POU3F3: variants seen among roughly 807,000 people sequenced by gnomAD.
POU3F3 encodes POU class 3 homeobox 3.
A neutral mutation model predicts 8.6 loss-of-function variants in POU3F3; 1 was observed. The ratio of observed to expected loss-of-function variants is 0.12; its 90% CI spans 0.04 to 0.55. The LOEUF is 0.55. POU3F3 is among the 20% of genes least tolerant of loss of function. The probability of loss-of-function intolerance (pLI) is 0.91; values close to 1 mark genes in which losing one functional copy is unlikely to be tolerated. For synonymous variants in POU3F3, 418 were observed against 327.4 expected (o/e 1.28, Z -2.99); for missense variants, 577 against 690.7 (o/e 0.84, Z 1.84).
the POU3F3 span, among the ~76,000 whole-genome samples, chr2:104,909,468 C>T: frequency 6.6e-6 from 1 of 152,248 alleles, no homozygotes; most frequent in East Asian, 1.9e-4. Context: ...AGCTGAAGCT[C>T]TAACTTGCCT....
Position 104,856,896 on chromosome 2 carries a change from G to A in POU3F3, c.1386G>A (p.Lys462=). The change falls in exon 1 of 1, where the codon AAG becomes AAA. Residue 462 remains lysine, a synonymous_variant. Transcript: ENST00000361360. ...TCTGCAATCGGCGCCAAAAGGAGAA[G>A]CGCATGACGCCGCCCGGGATCCAAC... ...VWFCNRRQKE[K]RMTPPGIQQQ... 1 of 1,613,964 alleles carries A rather than the reference G, an allele frequency of 6.2e-7. No individual in the cohort carries two copies. Among genetic ancestry groups the A allele is most frequent in the Non-Finnish European group, 8.5e-7 (1 of 1,179,970 alleles).
At chr2:104,885,057 G>A in the POU3F3 span, among the ~76,000 whole-genome samples, 7 of 152,154 alleles carry the variant, frequency 4.6e-5, no homozygotes, top group African/African-American at 1.4e-4. Flanking sequence ...ACAAAAAAAT[G>A]TGATCATCCA....
At chr2:104,917,318 A>T in the POU3F3 span, among the ~76,000 whole-genome samples, 1 of 152,246 alleles carries the variant, frequency 6.6e-6, no homozygotes, top group Admixed American at 6.5e-5. Context: ...CCTGACTAAT[A>T]CAACTGCCCT....
rs1249141236 is a variant in POU3F3 at position 104,857,132 on chromosome 2, G to C, written c.*119G>C. ...CCGCCGCCGCTGCCGCCGCCGCGCC[G>C]ACCCTGCACCTGGGCCGCTCCGGGC... is the stretch of plus-strand genomic sequence containing the variant. On this transcript the variant is annotated 3_prime_UTR_variant, in exon 1 of 1. Transcript: ENST00000361360. 1.0e-6 allele frequency: 1 copy of C among 957,666 alleles called. No individual in the cohort carries two copies. Among genetic ancestry groups the C allele is most frequent in the Admixed American group, 6.3e-5 (1 of 15,930 alleles). The allele number at this position is 957,666 out of a possible 1,614,324, so 59.3% of individuals were successfully genotyped here.
chr2:104,855,617 G>A lies in POU3F3; in HGVS notation c.107G>A (p.Gly36Asp). Reference protein sequence around the residue: ...AAGAGGGGGGGGGGGGGGAGG... With the variant: ...AAGAGGGGGGDGGGGGGGAGG... ...GGGGCTGGCGGCGGCGGGGGTGGCGGCGGCGGCGGCGGCGGGGGCGGCGCA... is the reference window on the plus strand; with the variant it reads ...GGGGCTGGCGGCGGCGGGGGTGGCGACGGCGGCGGCGGCGGGGGCGGCGCA... The change falls in exon 1 of 1, where the codon GGC (glycine) becomes GAC (aspartate). Residue 36 changes from glycine to aspartate, a missense_variant. Gly to Asp is a moderately conservative substitution (Grantham distance 94). Around this residue, in one of 7 missense-constraint regions of POU3F3, gnomAD observed 484 missense variants for 422.6 expected, o/e 1.15. Transcript: ENST00000361360. 2.1e-6 allele frequency: 2 copies of A among 969,664 alleles called. No homozygotes were observed. Among genetic ancestry groups the A allele is most frequent in the Non-Finnish European group, 2.4e-6 (2 of 820,642 alleles). The allele number at this position is 969,664 out of a possible 1,614,324, so 60.1% of individuals were successfully genotyped here. A position where few individuals can be genotyped will look rare whatever the true frequency, so the allele number is the denominator to read the frequency against.
chr2:104,886,967 G>T, the POU3F3 span, among the ~76,000 whole-genome samples: 1 of 151,814 alleles, frequency 6.6e-6, no homozygotes, highest in Non-Finnish European at 1.5e-5. Context: ...GGAAAAAAAA[G>T]GCTACTCCAT....
chr2:104,871,751 G>GGT, the POU3F3 span, among the ~76,000 whole-genome samples: 4 of 152,092 alleles, frequency 2.6e-5, no homozygotes, highest in Non-Finnish European at 5.9e-5. Context: ...GTACCTAGGA[G>GGT]GTGTGTGTGT....
chr2:104,890,965 G>C, the POU3F3 span, among the ~76,000 whole-genome samples: 1 of 152,228 alleles, frequency 6.6e-6, no homozygotes, highest in African/African-American at 2.4e-5. Context: ...TGTGGAACCA[G>C]ACTGGCCTAG....
the POU3F3 span, among the ~76,000 whole-genome samples, chr2:104,889,225 A>G: frequency 6.6e-6 from 1 of 152,252 alleles, no homozygotes; most frequent in Non-Finnish European, 1.5e-5. Context: ...TCCTTGACAC[A>G]TGGCCATGAA....
chr2:104,919,087 T>C, the POU3F3 span, among the ~76,000 whole-genome samples: 6 of 152,122 alleles, frequency 3.9e-5, no homozygotes, highest in Non-Finnish European at 7.3e-5. Context: ...GTCAGGCTGG[T>C]CTTGAACTCC....
At position 104,856,390 on chromosome 2, in the gene POU3F3, CACG is replaced by C; in HGVS notation, c.881_883del (p.His294_Gly295delinsArg). ...GCACCACGCGCAGGGACCCCCGCAC[CACG>C]GCGGCGGCGGCGGCGGCGCGGGGCC... On this transcript the variant is annotated inframe_deletion, in exon 1 of 1. Coordinates refer to ENST00000361360, the MANE Select transcript of POU3F3 (RefSeq NM_006236.3). 3 of 1,567,266 alleles carry C rather than the reference CACG, an allele frequency of 1.9e-6. No individual in the cohort carries two copies. Among genetic ancestry groups the C allele is most frequent in the Non-Finnish European group, 1.7e-6 (2 of 1,158,428 alleles).
upstream of POU3F3, chr2:104,853,474 G>C (rs1233171044): frequency 6.6e-6 from 1 of 152,592 alleles, no homozygotes; most frequent in Non-Finnish European, 1.5e-5. Flanking sequence ...TTGGCGATGC[G>C]AGCCCCCGCT....
the POU3F3 span, chr2:104,868,164 G>A: frequency 2.2e-6 from 1 of 446,640 alleles, no homozygotes; most frequent in East Asian, 7.0e-5. Flanking sequence ...CCCCCATGGG[G>A]TTCTGAAGGC....
At chr2:104,898,445 T>A in the POU3F3 span, among the ~76,000 whole-genome samples, 7 of 152,168 alleles carry the variant, frequency 4.6e-5, no homozygotes, top group African/African-American at 1.7e-4. Context: ...TTCAAACCAG[T>A]GTGATCAATT....
the POU3F3 span, among the ~76,000 whole-genome samples, chr2:104,916,740 T>C: frequency 2.6e-5 from 4 of 152,140 alleles, no homozygotes; most frequent in East Asian, 5.8e-4. Flanking sequence ...GAGTCCCAGG[T>C]AGCAAGGATG....
chr2:104,920,374 G>C, the POU3F3 span, among the ~76,000 whole-genome samples: 1 of 152,184 alleles, frequency 6.6e-6, no homozygotes, highest in Non-Finnish European at 1.5e-5. Flanking sequence ...CAGACATTGA[G>C]TTCTGCCCTT....
At chr2:104,908,095 C>T in the POU3F3 span, among the ~76,000 whole-genome samples, 28 of 152,258 alleles carry the variant, frequency 1.8e-4, no homozygotes, top group African/African-American at 6.3e-4. Flanking sequence ...ATTAACATGG[C>T]GAATTGCATG....
the POU3F3 span, among the ~76,000 whole-genome samples, chr2:104,881,736 GGGAGGGTTCCGAT>G: frequency 6.6e-6 from 1 of 152,140 alleles, no homozygotes; most frequent in Non-Finnish European, 1.5e-5. Context: ...GTGATTTGTT[GGGAGGGTTCCGAT>G]GGAGGGTTCC....
chr2:104,889,775 G>C, the POU3F3 span, among the ~76,000 whole-genome samples: 1 of 152,348 alleles, frequency 6.6e-6, no homozygotes, highest in East Asian at 1.9e-4. Context: ...CCAGGCAAAC[G>C]CTTGTTAACT....
Sources: gnomAD v4.1 joint callset for allele counts (sites outside exome capture counted in the v4.1 genomes callset) on GRCh38, gnomAD v4.1.1 for gene constraint, gnomAD v4.1.1 regional missense constraint, MANE v1.5 for transcripts, NCBI Gene and HGNC (gene_info 2026-07-23, HGNC 2026-07-21) for gene names.